Variants in CIMAP1D observed in about 807,000 individuals in gnomAD.
CIMAP1D encodes the protein protein CIMAP1D.
chr19:477,226 T>C, the CIMAP1D span, among the ~76,000 whole-genome samples: 2 of 151,912 alleles, frequency 1.3e-5, no homozygotes, highest in Admixed American at 1.3e-4. Flanking sequence ...CAAGAGTAAG[T>C]ATAAGGAAGA....
the CIMAP1D span, among the ~76,000 whole-genome samples, chr19:480,455 G>A: frequency 0.095 from 9,534 of 100,150 alleles, 2,028 homozygotes; most frequent in African/African-American, 0.39. Flanking sequence ...GATGATAGGG[G>A]AGGATGATGG....
At chr19:484,139 C>CTTTTCTTTTTTTTTTT in the CIMAP1D span, among the ~76,000 whole-genome samples, 2 of 129,442 alleles carry the variant, frequency 1.5e-5, no homozygotes, top group East Asian at 2.2e-4. Flanking sequence ...TTTTCTTTTT[C>CTTTTCTTTTTTTTTTT]TTTTTTTTTT....
At chr19:471,828 C>T in the CIMAP1D span, among the ~76,000 whole-genome samples, 2,873 of 151,930 alleles carry the variant, frequency 0.019, 85 homozygotes, top group African/African-American at 0.065. Flanking sequence ...CCGCAAGCTC[C>T]GCCTCCCGGC....
chr19:488,390 C>T, the CIMAP1D span, among the ~76,000 whole-genome samples: 8,937 of 152,070 alleles, frequency 0.059, 533 homozygotes, highest in East Asian at 0.21. Context: ...GGCGTGGTGG[C>T]AGGCGCCTGT....
At chr19:463,407 G>A in the CIMAP1D span, 1 of 222,522 alleles carries the variant, frequency 4.5e-6, no homozygotes, top group East Asian at 1.3e-4. Context: ...AGAAGGTGGA[G>A]TGGGAAAGGC....
the CIMAP1D span, among the ~76,000 whole-genome samples, chr19:471,482 G>A: frequency 2.0e-5 from 3 of 152,074 alleles, no homozygotes; most frequent in African/African-American, 4.8e-5. Flanking sequence ...TCACTCTGTC[G>A]CCCAGGCTGG....
chr19:467,383 C>T, the CIMAP1D span, among the ~76,000 whole-genome samples: 1 of 152,008 alleles, frequency 6.6e-6, no homozygotes, highest in Non-Finnish European at 1.5e-5. Context: ...ATTCACCTCT[C>T]ACCTCCTGAC....
the CIMAP1D span, chr19:474,661 G>C: frequency 1.9e-6 from 3 of 1,582,586 alleles, no homozygotes; most frequent in African/African-American, 1.4e-5. Flanking sequence ...TCCTCAGGCC[G>C]GTCTCCGGAA....
At chr19:474,255 G>A in the CIMAP1D span, among the ~76,000 whole-genome samples, 2 of 152,142 alleles carry the variant, frequency 1.3e-5, no homozygotes, top group African/African-American at 2.4e-5. Context: ...CTCCGCACAC[G>A]CGCCCCTCGC....
chr19:478,468 G>A, the CIMAP1D span, among the ~76,000 whole-genome samples: 1 of 138,212 alleles, frequency 7.2e-6, no homozygotes, highest in East Asian at 2.3e-4. Context: ...ACAGCATGTT[G>A]CTGGGAGGAC....
chr19:484,503 A>G, the CIMAP1D span, among the ~76,000 whole-genome samples: 1 of 152,118 alleles, frequency 6.6e-6, no homozygotes, highest in African/African-American at 2.4e-5. Context: ...CAGTGACGTG[A>G]TCACAGAAAG....
At chr19:486,876 T>G in the CIMAP1D span, among the ~76,000 whole-genome samples, 2 of 151,856 alleles carry the variant, frequency 1.3e-5, no homozygotes, top group Non-Finnish European at 2.9e-5. Context: ...ATTGTGCCAG[T>G]GCACTCCAGC....
At chr19:482,456 T>G in the CIMAP1D span, among the ~76,000 whole-genome samples, 1 of 152,062 alleles carries the variant, frequency 6.6e-6, no homozygotes, top group Non-Finnish European at 1.5e-5. Context: ...GGACCAGGAG[T>G]GCTGATGACA....
the CIMAP1D span, chr19:474,737 A>G: frequency 3.3e-6 from 5 of 1,538,374 alleles, no homozygotes; most frequent in Non-Finnish European, 4.4e-6. Flanking sequence ...GTCGCAGCTG[A>G]GGGTCCCCAT....
chr19:491,248 G>A, the CIMAP1D span, among the ~76,000 whole-genome samples: 1 of 152,170 alleles, frequency 6.6e-6, no homozygotes, highest in Non-Finnish European at 1.5e-5. Flanking sequence ...CTGCACTCCA[G>A]CCTGGGCGAC....
chr19:469,807 G>C, the CIMAP1D span, among the ~76,000 whole-genome samples: 1 of 152,288 alleles, frequency 6.6e-6, no homozygotes, highest in East Asian at 1.9e-4. Flanking sequence ...ACTGTGCAGG[G>C]CTTAGCCATC....
the CIMAP1D span, among the ~76,000 whole-genome samples, chr19:464,519 T>C: frequency 3.3e-5 from 5 of 152,044 alleles, no homozygotes; most frequent in Non-Finnish European, 7.4e-5. Flanking sequence ...ATACACATGG[T>C]CTGTGTTTCA....
At chr19:487,585 G>A in the CIMAP1D span, among the ~76,000 whole-genome samples, 5 of 150,908 alleles carry the variant, frequency 3.3e-5, no homozygotes, top group Admixed American at 6.6e-5. Context: ...CGGGAGGATT[G>A]CTTGAGCTCA....
the CIMAP1D span, among the ~76,000 whole-genome samples, chr19:470,608 G>C: frequency 6.6e-6 from 1 of 152,152 alleles, no homozygotes; most frequent in Non-Finnish European, 1.5e-5. Context: ...CCCAGTGTGG[G>C]CTGGGATTTT....
Sources: gnomAD v4.1 joint callset for allele counts (sites outside exome capture counted in the v4.1 genomes callset) on GRCh38, gnomAD v4.1.1 for gene constraint, MANE v1.5 for transcripts, NCBI Gene and HGNC (gene_info 2026-07-23, HGNC 2026-07-21) for gene names.